Variants in AGBL1 observed in about 807,000 individuals in gnomAD.
AGBL1 encodes cytosolic carboxypeptidase 4.
AGBL1 carries 130 observed loss-of-function variants against 118.9 expected under a neutral mutation model. The ratio of observed to expected loss-of-function variants is 1.09; its 90% CI spans 0.95 to 1.26. The LOEUF is 1.26. Among genes scored for constraint, AGBL1 ranks in the 50% most tolerant of loss-of-function variants. AGBL1 has a pLI of 0.00. For synonymous variants in AGBL1, 555 were observed against 478.9 expected, an observed-to-expected ratio of 1.16 and a Z score of -2.08; for missense variants, 1,584 against 1,298.1, an observed-to-expected ratio of 1.22 and a Z score of -3.38.
intron 22 of AGBL1, among the ~76,000 whole-genome samples, chr15:86,850,630 C>A (rs1218788787): frequency 6.6e-6 from 1 of 152,148 alleles, no homozygotes; most frequent in Non-Finnish European, 1.5e-5. Flanking sequence ...CACAGAGAAT[C>A]ATTATTGATA....
At chr15:86,746,150 T>G (rs2077753584) in intron 22 of AGBL1, among the ~76,000 whole-genome samples, 1 of 151,972 alleles carries the variant, frequency 6.6e-6, no homozygotes, top group African/African-American at 2.4e-5. Context: ...CCCAAGAGAG[T>G]TTTCACAACA....
At chr15:86,433,903 A>G (rs527647962) in intron 18 of AGBL1, among the ~76,000 whole-genome samples, 1 of 152,286 alleles carries the variant, frequency 6.6e-6, no homozygotes, top group Admixed American at 6.5e-5. Context: ...CTTTTCCTCT[A>G]AGAGACAGTG....
intron 22 of AGBL1, among the ~76,000 whole-genome samples, chr15:86,722,837 G>A (rs2086749117): frequency 6.6e-6 from 1 of 152,002 alleles, no homozygotes; most frequent in Non-Finnish European, 1.5e-5. Flanking sequence ...TCAACAAGTG[G>A]GTGAAGGATA....
At chr15:86,484,883 A>T (rs1298294487) in intron 18 of AGBL1, among the ~76,000 whole-genome samples, 1 of 152,154 alleles carries the variant, frequency 6.6e-6, no homozygotes, top group African/African-American at 2.4e-5. Context: ...AACACTTGAA[A>T]TAGTTTCCCG....
intron 16 of AGBL1, among the ~76,000 whole-genome samples, chr15:86,288,788 GT>G (rs1414006515): frequency 1.3e-5 from 2 of 151,758 alleles, no homozygotes; most frequent in Admixed American, 6.6e-5. Context: ...CAAGACCGAG[GT>G]GCTGTCTTAA....
intron 1 of AGBL1, among the ~76,000 whole-genome samples, chr15:86,126,760 A>G (rs1898458341): frequency 6.6e-6 from 1 of 152,198 alleles, no homozygotes; most frequent in African/African-American, 2.4e-5. Context: ...TAGGATGCCT[A>G]ATTTTCTTCC....
At chr15:87,011,072 A>G (rs943447604) in intron 24 of AGBL1, among the ~76,000 whole-genome samples, 2 of 152,248 alleles carry the variant, frequency 1.3e-5, no homozygotes, top group African/African-American at 4.8e-5. Context: ...TATGAGTGAG[A>G]CCATGTCAGC....
intron 22 of AGBL1, among the ~76,000 whole-genome samples, chr15:86,734,887 G>A (rs2077571258): frequency 6.6e-6 from 1 of 152,072 alleles, no homozygotes; most frequent in South Asian, 2.1e-4. Flanking sequence ...ATATGTTGTA[G>A]AATTGTGAGG....
chr15:86,206,973 G>A (rs1417576007), intron 5 of AGBL1, among the ~76,000 whole-genome samples: 1 of 152,138 alleles, frequency 6.6e-6, no homozygotes, highest in African/African-American at 2.4e-5. Context: ...AATCCATCTT[G>A]AATTAATTTT....
At chr15:86,167,146 G>T (rs1421908114) in intron 5 of AGBL1, among the ~76,000 whole-genome samples, 1 of 152,178 alleles carries the variant, frequency 6.6e-6, no homozygotes, top group African/African-American at 2.4e-5. Context: ...GGAGGAAAGG[G>T]AGTTTGAGGA....
At chr15:86,752,153 T>G (rs900677080) in intron 22 of AGBL1, among the ~76,000 whole-genome samples, 3 of 152,228 alleles carry the variant, frequency 2.0e-5, no homozygotes. Context: ...CCTCTACTTA[T>G]CTGTTTGTGT....
intron 22 of AGBL1, among the ~76,000 whole-genome samples, chr15:86,714,288 A>G (rs905471292): frequency 2.0e-5 from 3 of 152,156 alleles, no homozygotes; most frequent in Non-Finnish European, 4.4e-5. Flanking sequence ...CTCAGGTGAT[A>G]TGTGAATCAG....
intron 17 of AGBL1, among the ~76,000 whole-genome samples, chr15:86,317,624 G>A (rs1243799886): frequency 6.6e-6 from 1 of 152,200 alleles, no homozygotes; most frequent in Non-Finnish European, 1.5e-5. Context: ...AGCTTTGGGA[G>A]GAGGATTGAG....
chr15:86,549,383 G>A (rs1419312258), intron 20 of AGBL1, among the ~76,000 whole-genome samples: 1 of 151,908 alleles, frequency 6.6e-6, no homozygotes, highest in Non-Finnish European at 1.5e-5. Context: ...ATAACCACTA[G>A]GCCAAGCAGC....
intron 22 of AGBL1, among the ~76,000 whole-genome samples, chr15:86,707,838 A>G (rs2086480129): frequency 1.3e-5 from 2 of 152,038 alleles, no homozygotes; most frequent in Non-Finnish European, 2.9e-5. Context: ...AGATGAGGAG[A>G]TAGATATATG....
At chr15:86,597,850 G>A (rs759254949) in intron 21 of AGBL1, among the ~76,000 whole-genome samples, 2 of 134,404 alleles carry the variant, frequency 1.5e-5, no homozygotes, top group African/African-American at 5.4e-5. Context: ...TAGAAGTGGG[G>A]CAACTTATGT....
At chr15:86,091,364 C>T (rs1017767199) in intron 1 of AGBL1, among the ~76,000 whole-genome samples, 1 of 152,154 alleles carries the variant, frequency 6.6e-6, no homozygotes, top group African/African-American at 2.4e-5. Context: ...TCTTGACCCC[C>T]TTTGCTCTTT....
At chr15:86,815,302 G>C (rs115011206) in intron 22 of AGBL1, among the ~76,000 whole-genome samples, 1 of 151,984 alleles carries the variant, frequency 6.6e-6, no homozygotes, top group Admixed American at 6.6e-5. Flanking sequence ...ATGTAAATAG[G>C]TTGCCAGAAT....
intron 6 of AGBL1, among the ~76,000 whole-genome samples, chr15:86,235,897 C>G (rs1278210595): frequency 6.6e-6 from 1 of 152,112 alleles, no homozygotes; most frequent in African/African-American, 2.4e-5. Context: ...TACAAATGCA[C>G]AGGATGGCCC....
Sources: allele counts gnomAD v4.1 joint callset (sites outside exome capture counted in the v4.1 genomes callset), GRCh38; gene constraint gnomAD v4.1.1; transcripts MANE v1.5; gene names NCBI Gene and HGNC (gene_info 2026-07-23, HGNC 2026-07-21).